ELAPOR1: variants seen among roughly 807,000 people sequenced by gnomAD.
The protein encoded by ELAPOR1 is endosome-lysosome associated apoptosis and autophagy regulator 1.
In ELAPOR1, 77 loss-of-function variants were observed where a neutral mutation model predicts 119.7. The ratio of observed to expected loss-of-function variants is 0.64; its 90% CI spans 0.54 to 0.78. The LOEUF (loss-of-function observed/expected upper bound fraction) is 0.78, where lower values mean the gene tolerates loss of function less well. ELAPOR1 is among the 30% of genes least tolerant of loss of function. The pLI is 0.00. For missense variants in ELAPOR1, 1,115 were observed against 1,270.4 expected (o/e 0.88, Z 1.86); for synonymous variants, 481 against 487.2 (o/e 0.99, Z 0.17).
intron 1 of ELAPOR1, among the ~76,000 whole-genome samples, chr1:109,122,134 ATCTCAGCTCAC>A (rs1165426788): frequency 1.3e-5 from 2 of 149,838 alleles, no homozygotes; most frequent in Non-Finnish European, 3.0e-5. Context: ...CAGCGGTGCA[ATCTCAGCTCAC>A]TGCAGCCTGT....
intron 4 of ELAPOR1, 110 bp from the exon 5 acceptor site, chr1:109,172,378 C>T (rs747060124): frequency 1.2e-5 from 9 of 768,656 alleles, no homozygotes; most frequent in Non-Finnish European, 2.0e-5. Context: ...AGGAAATTGG[C>T]AACTCTTCCC....
In ELAPOR1 at chr1:109,200,858, C is replaced by G; in HGVS notation, c.2931C>G (p.Ser977Arg). 1 of 1,614,136 alleles carries G rather than the reference C, an allele frequency of 6.2e-7. No individual in the cohort carries two copies. Among genetic ancestry groups the G allele is most frequent in the Non-Finnish European group, 8.5e-7 (1 of 1,180,010 alleles). ...TAGAGGACGACCTCATCTTTACCAG[C>G]AAGAAGTCACTCTTTGGGAAGATCA... ...EDVEDDLIFT[S>R]KKSLFGKIKS... The change falls in exon 21 of 22, where the codon AGC becomes AGG. Residue 977 changes from serine to arginine, a missense_variant. By Grantham distance (110) the Ser-to-Arg change is moderately radical. Coordinates refer to ENST00000369939, the MANE Select transcript of ELAPOR1 (RefSeq NM_020775.5).
chr1:109,144,908 TCAAA>T (rs941945545), intron 1 of ELAPOR1, among the ~76,000 whole-genome samples: 3 of 152,304 alleles, frequency 2.0e-5, no homozygotes, highest in Non-Finnish European at 2.9e-5. Context: ...GCTTTAAGAA[TCAAA>T]CAACTTCTAT....
chr1:109,127,097 T>C lies in ELAPOR1; in HGVS notation c.153+12761T>C, dbSNP rs369865376. Among the ~76,000 whole-genome samples, 7 of 152,032 alleles carry C rather than the reference T, an allele frequency of 4.6e-5. No individual in the cohort carries two copies. The East Asian group carries it at 9.6e-4, about 21-fold the overall frequency. ...TTTCTTAAGCTCTCCTTCTATGTCA[T>C]ACCAGATAAAAGAACACAACAGATA... is the stretch of plus-strand genomic sequence containing the variant. On this transcript the variant is annotated intron_variant, in intron 1 of 21. Coordinates refer to ENST00000369939, the MANE Select transcript of ELAPOR1 (RefSeq NM_020775.5).
At chr1:109,176,896 A>G (rs950160224) in intron 7 of ELAPOR1, among the ~76,000 whole-genome samples, 1 of 145,724 alleles carries the variant, frequency 6.9e-6, no homozygotes, top group Non-Finnish European at 1.5e-5. Flanking sequence ...GATACAGCAC[A>G]TGTTTCAGAG....
In ELAPOR1 at chr1:109,194,412, C is replaced by T. The variant is rs1268244891; in HGVS notation, c.1948-9C>T. The T allele has an allele frequency of 1.2e-6, 2 of 1,612,432 alleles. No homozygotes were observed. The highest frequency in any genetic ancestry group is 3.3e-5 in the Admixed American group (2 of 60,008). On this transcript the variant is annotated splice_polypyrimidine_tract_variant and intron_variant, in intron 14 of 21. Transcript: ENST00000369939. ...ACCAGCTGGCCCGACCCGTCCCTCT[C>T]CCCCTCAGATCCACTCTCTGTGCTA...
intron 1 of ELAPOR1, among the ~76,000 whole-genome samples, chr1:109,114,898 T>A (rs886823343): frequency 6.6e-6 from 1 of 152,304 alleles, no homozygotes; most frequent in East Asian, 1.9e-4. Context: ...CTGTAAAATG[T>A]GTCTCCTCCT....
intron 3 of ELAPOR1, among the ~76,000 whole-genome samples, chr1:109,168,604 G>A (rs1025057302): frequency 3.9e-5 from 6 of 152,182 alleles, no homozygotes; most frequent in African/African-American, 1.4e-4. Flanking sequence ...TGACGTGGGT[G>A]TAATAGAAAG....
intron 7 of ELAPOR1, among the ~76,000 whole-genome samples, chr1:109,184,013 T>C (rs1044054921): frequency 6.6e-6 from 1 of 151,972 alleles, no homozygotes; most frequent in Non-Finnish European, 1.5e-5. Context: ...GTTAAGATTG[T>C]ACCACTGCAG....
At chr1:109,191,615 C>T in intron 12 of ELAPOR1, 111 bp from the exon 13 acceptor site, 7 of 1,472,706 alleles carry the variant, frequency 4.8e-6, no homozygotes, top group Non-Finnish European at 6.6e-6. Context: ...AGGGACTTCA[C>T]AGTTTAACAA....
At chr1:109,148,088 C>T (rs1252970596) in intron 1 of ELAPOR1, among the ~76,000 whole-genome samples, 2 of 151,644 alleles carry the variant, frequency 1.3e-5, no homozygotes, top group African/African-American at 2.4e-5. Flanking sequence ...CCACCCGCCT[C>T]GGCCTCCCAA....
chr1:109,185,273 G>T, intron 8 of ELAPOR1, 140 bp downstream of exon 8: 1 of 661,952 alleles, frequency 1.5e-6, no homozygotes. Flanking sequence ...TGACCCTAGG[G>T]CTAGGTGGGG....
At chr1:109,149,716 C>T (rs143730685) in intron 1 of ELAPOR1, among the ~76,000 whole-genome samples, 1,660 of 152,046 alleles carry the variant, frequency 0.011, 25 homozygotes, top group African/African-American at 0.038. Flanking sequence ...GGAATGGGGA[C>T]GGGGCAGAAA....
intron 7 of ELAPOR1, among the ~76,000 whole-genome samples, chr1:109,177,220 T>C (rs1413366436): frequency 1.4e-5 from 2 of 140,052 alleles, no homozygotes; most frequent in African/African-American, 5.4e-5. Context: ...ACGGGGCGGC[T>C]GGCCGGGCGG....
intron 1 of ELAPOR1, among the ~76,000 whole-genome samples, chr1:109,159,416 A>G (rs1316530370): frequency 6.6e-6 from 1 of 152,208 alleles, no homozygotes; most frequent in East Asian, 1.9e-4. Context: ...AAAGTAATGG[A>G]TTTGGCCCAT....
At chr1:109,165,269 C>G (rs1288790005) in intron 3 of ELAPOR1, among the ~76,000 whole-genome samples, 13 of 152,100 alleles carry the variant, frequency 8.5e-5, no homozygotes, top group Admixed American at 2.0e-4. Flanking sequence ...CCCTGGATAA[C>G]AGAGCAAGAC....
At chr1:109,143,120 T>C (rs1649936770) in intron 1 of ELAPOR1, among the ~76,000 whole-genome samples, 3 of 152,180 alleles carry the variant, frequency 2.0e-5, no homozygotes, top group Admixed American at 1.3e-4. Flanking sequence ...CTGCTAACTT[T>C]TGTATTTTTA....
intron 2 of ELAPOR1, among the ~76,000 whole-genome samples, chr1:109,163,869 G>T (rs1651414476): frequency 6.6e-6 from 1 of 152,078 alleles, no homozygotes; most frequent in Non-Finnish European, 1.5e-5. Flanking sequence ...AGAAATTCAA[G>T]GCTGAAGGGC....
In ELAPOR1 at chr1:109,198,122, C is replaced by G. The variant is rs774342198; in HGVS notation, c.2399+47C>G. On this transcript the variant is annotated intron_variant, in intron 17 of 21. Transcript: ENST00000369939. Reference sequence around the variant, plus strand: ...AATGCAAGTGAAACCTAGGACTCCTCCATAATTTCTGCTGCATCCCTCCCT... The same window carrying G: ...AATGCAAGTGAAACCTAGGACTCCTGCATAATTTCTGCTGCATCCCTCCCT... 3.5e-6 allele frequency: 5 copies of G among 1,444,740 alleles called. No individual in the cohort carries two copies. The Admixed American group carries it at 8.4e-5, about 24-fold the overall frequency. 89.5% of individuals were successfully genotyped at this position (1,444,740 alleles called of 1,614,324 possible). A position where few individuals can be genotyped will look rare whatever the true frequency, so the allele number is the denominator to read the frequency against.
Sources: gnomAD v4.1 joint callset for allele counts (sites outside exome capture counted in the v4.1 genomes callset) on GRCh38, gnomAD v4.1.1 for gene constraint, MANE v1.5 for transcripts, NCBI Gene and HGNC (gene_info 2026-07-23, HGNC 2026-07-21) for gene names.